TMEFF2: variants seen among roughly 807,000 people sequenced by gnomAD.
The protein encoded by TMEFF2 is transmembrane protein with EGF like and two follistatin like domains 2.
TMEFF2 carries 28 observed loss-of-function variants against 53.8 expected under a neutral mutation model. That is an observed-to-expected ratio of 0.52 (90% CI 0.39 to 0.71). The LOEUF is 0.71. Among genes scored for constraint, TMEFF2 ranks in the 30% least tolerant of loss-of-function variants. The probability of loss-of-function intolerance (pLI) is 0.00; values close to 1 mark genes in which losing one functional copy is unlikely to be tolerated. For missense variants in TMEFF2, 353 were observed against 455.2 expected (o/e 0.78, Z 2.04); for synonymous variants, 162 against 166.3 (o/e 0.97, Z 0.20).
In TMEFF2 at chr2:192,055,802, A is replaced by G. The variant is rs1687893660; in HGVS notation, c.536+1877T>C. Among the ~76,000 whole-genome samples the G allele has an allele frequency of 2.0e-5, 3 of 149,094 alleles. No homozygotes were observed. The South Asian group carries it at 6.3e-4, about 32-fold the overall frequency. The stretch of plus-strand genomic sequence containing the variant: ...AAAAAAAAAAAAAAAAAAAAAAAGA[A>G]GCGAGACTCTGTCTCAATAAAAAAC... On this transcript the variant is annotated intron_variant, in intron 5 of 9. Coordinates refer to ENST00000272771, the MANE Select transcript of TMEFF2 (RefSeq NM_016192.4).
At chr2:192,034,022 A>T (rs890478082) in intron 5 of TMEFF2, among the ~76,000 whole-genome samples, 1 of 151,900 alleles carries the variant, frequency 6.6e-6, no homozygotes, top group African/African-American at 2.4e-5. Flanking sequence ...AAAAATACAA[A>T]AAATTAGCCG....
At chr2:192,145,639 G>T (rs1272343140) in intron 4 of TMEFF2, among the ~76,000 whole-genome samples, 1 of 151,940 alleles carries the variant, frequency 6.6e-6, no homozygotes, top group Non-Finnish European at 1.5e-5. Context: ...AAATTTCTGT[G>T]TGAGAAGAAC....
At chr2:192,094,896 T>G (rs1437333564) in intron 4 of TMEFF2, among the ~76,000 whole-genome samples, 1 of 152,230 alleles carries the variant, frequency 6.6e-6, no homozygotes, top group Non-Finnish European at 1.5e-5. Context: ...TAGTTTTTCT[T>G]GCATGTTCAC....
chr2:192,023,431 T>TGACA (rs960147023), intron 5 of TMEFF2, among the ~76,000 whole-genome samples: 10 of 152,194 alleles, frequency 6.6e-5, no homozygotes, highest in Admixed American at 5.2e-4. Context: ...GAGAGAGAGG[T>TGACA]GACAACTCAT....
chr2:192,100,604 CA>C (rs1689011083), intron 4 of TMEFF2, among the ~76,000 whole-genome samples: 1 of 151,974 alleles, frequency 6.6e-6, no homozygotes, highest in South Asian at 2.1e-4. Context: ...ACAAACAAAC[CA>C]AAAACCAACT....
At chr2:192,008,465 C>T (rs951776006) in intron 5 of TMEFF2, among the ~76,000 whole-genome samples, 7 of 152,130 alleles carry the variant, frequency 4.6e-5, no homozygotes, top group South Asian at 2.1e-4. Context: ...TCCTCATGTA[C>T]GTTTTTAAAA....
At chr2:192,026,369 C>T (rs752022742) in intron 5 of TMEFF2, among the ~76,000 whole-genome samples, 2 of 152,126 alleles carry the variant, frequency 1.3e-5, no homozygotes, top group African/African-American at 2.4e-5. Context: ...TGGGTACTTT[C>T]CTGCTGTAAT....
At chr2:192,000,671 C>T (rs928763372) in intron 5 of TMEFF2, among the ~76,000 whole-genome samples, 1 of 152,194 alleles carries the variant, frequency 6.6e-6, no homozygotes, top group African/African-American at 2.4e-5. Context: ...CACACCAGTG[C>T]ATCTCAGAGT....
chr2:192,181,505 A>T (rs1691184141), intron 3 of TMEFF2, among the ~76,000 whole-genome samples: 1 of 151,794 alleles, frequency 6.6e-6, no homozygotes, highest in Non-Finnish European at 1.5e-5. Flanking sequence ...TCATTGCATG[A>T]CAGAGAAATG....
chr2:192,151,529 A>T (rs1690388148), intron 4 of TMEFF2, among the ~76,000 whole-genome samples: 1 of 151,854 alleles, frequency 6.6e-6, no homozygotes, highest in Non-Finnish European at 1.5e-5. Flanking sequence ...ATTGGGAAAG[A>T]CGAGTTTGCT....
chr2:192,143,383 T>A (rs1233915549), intron 4 of TMEFF2, among the ~76,000 whole-genome samples: 1 of 152,134 alleles, frequency 6.6e-6, no homozygotes, highest in African/African-American at 2.4e-5. Context: ...GGCTATTGCA[T>A]CCTCTTTGAT....
chr2:192,104,442 T>C (rs538833605), intron 4 of TMEFF2, among the ~76,000 whole-genome samples: 24 of 152,264 alleles, frequency 1.6e-4, no homozygotes, highest in African/African-American at 5.5e-4. Context: ...GTCAAATATT[T>C]ATAACCCTGG....
At chr2:192,162,543 A>G (rs1690659814) in intron 4 of TMEFF2, among the ~76,000 whole-genome samples, 1 of 152,132 alleles carries the variant, frequency 6.6e-6, no homozygotes, top group Admixed American at 6.5e-5. Context: ...GAGTTAAAAT[A>G]GCTCCACCCT....
At chr2:192,081,928 G>A (rs1025376274) in intron 4 of TMEFF2, among the ~76,000 whole-genome samples, 1 of 151,348 alleles carries the variant, frequency 6.6e-6, no homozygotes, top group Non-Finnish European at 1.5e-5. Context: ...AGCCTCCTGA[G>A]TATCTGGGAC....
chr2:192,056,152 C>A (rs975488578), intron 5 of TMEFF2, among the ~76,000 whole-genome samples: 2 of 152,080 alleles, frequency 1.3e-5, no homozygotes, highest in African/African-American at 4.8e-5. Context: ...CCCCTCTACT[C>A]ACAAAAGTTT....
intron 4 of TMEFF2, among the ~76,000 whole-genome samples, chr2:192,129,899 C>T (rs1270922965): frequency 6.6e-6 from 1 of 152,130 alleles, no homozygotes; most frequent in African/African-American, 2.4e-5. Flanking sequence ...TTTCTAAAAA[C>T]AAATTAACAA....
rs555891233 is a variant in TMEFF2, at chr2:191,949,278, C to A, written c.*1033G>T. The A allele has an allele frequency of 1.0e-6, 1 of 985,360 alleles. No individual in the cohort carries two copies. The highest frequency in any genetic ancestry group is 1.7e-5 in the African/African-American group (1 of 57,356). The allele number at this position is 985,360 out of a possible 1,614,324, so 61.0% of individuals were successfully genotyped here. On this transcript the variant is annotated 3_prime_UTR_variant, in exon 10 of 10. Coordinates refer to ENST00000272771, the MANE Select transcript of TMEFF2 (RefSeq NM_016192.4). ...GCTATAGGATTAATTTTCTTTCTTA[C>A]CTCACCACATAAATATGCTCAAAAC...
chr2:192,186,412 A>T (rs2106043103), intron 2 of TMEFF2, among the ~76,000 whole-genome samples: 1 of 152,322 alleles, frequency 6.6e-6, no homozygotes. Context: ...TCATGCCAGA[A>T]CTGTGGCCAG....
intron 4 of TMEFF2, among the ~76,000 whole-genome samples, chr2:192,091,458 T>C (rs1191455994): frequency 6.6e-6 from 1 of 152,154 alleles, no homozygotes. Context: ...AAGCGTTGAA[T>C]ATTTGCTTTC....
Sources: gnomAD v4.1 joint callset for allele counts (sites outside exome capture counted in the v4.1 genomes callset) on GRCh38, gnomAD v4.1.1 for gene constraint, MANE v1.5 for transcripts, NCBI Gene and HGNC (gene_info 2026-07-23, HGNC 2026-07-21) for gene names.